Variants in THSD4 observed in about 807,000 individuals in gnomAD.
THSD4 encodes the protein thrombospondin type-1 domain-containing protein 4.
In THSD4, 69 loss-of-function variants were observed where a neutral mutation model predicts 119.0. The ratio of observed to expected loss-of-function variants is 0.58; its 90% confidence interval spans 0.48 to 0.71. The LOEUF is 0.71. Ranked by LOEUF, THSD4 falls within the 30% of genes least tolerant of loss-of-function variation. The pLI is 0.00. For synonymous variants in THSD4, 524 were observed against 540.4 expected (o/e 0.97, Z 0.42); for missense variants, 1,393 against 1,391.1 (o/e 1.00, Z -0.02).
intron 6 of THSD4, chr15:71,348,511 G>A (rs1234732698): frequency 6.6e-6 from 1 of 152,192 alleles, no homozygotes; most frequent in African/African-American, 2.4e-5. Flanking sequence ...GTTTTCAACA[G>A]AGATACCTTG....
chr15:71,451,607 CAG>C (rs1254670747), intron 7 of THSD4, among the ~76,000 whole-genome samples: 1 of 152,152 alleles, frequency 6.6e-6, no homozygotes, highest in Non-Finnish European at 1.5e-5. Flanking sequence ...ACTTGGTAGA[CAG>C]AGGCATGGGG....
intron 6 of THSD4, among the ~76,000 whole-genome samples, chr15:71,338,161 C>T (rs1345322375): frequency 2.0e-5 from 3 of 152,136 alleles, no homozygotes; most frequent in Non-Finnish European, 4.4e-5. Context: ...GAAGTTTGAG[C>T]TTTGAATCCT....
chr15:71,649,691 A>G (rs2051044431), intron 7 of THSD4, among the ~76,000 whole-genome samples: 1 of 152,220 alleles, frequency 6.6e-6, no homozygotes, highest in African/African-American at 2.4e-5. Flanking sequence ...TCCTATGTCC[A>G]GAATGGTGTT....
chr15:71,606,767 C>T (rs1007372068), intron 7 of THSD4, among the ~76,000 whole-genome samples: 8 of 152,226 alleles, frequency 5.3e-5, no homozygotes, highest in South Asian at 4.1e-4. Context: ...TTCAAACTCC[C>T]GACCTCAGGT....
intron 6 of THSD4, among the ~76,000 whole-genome samples, chr15:71,331,111 C>T (rs2140373255): frequency 6.6e-6 from 1 of 152,342 alleles, no homozygotes; most frequent in Admixed American, 6.5e-5. Context: ...TTTTCTGCTG[C>T]AGCCATTTGG....
intron 15 of THSD4, among the ~76,000 whole-genome samples, chr15:71,764,183 C>G (rs1037431573): frequency 6.6e-6 from 1 of 151,826 alleles, no homozygotes; most frequent in African/African-American, 2.4e-5. Context: ...GAGGTTGAGG[C>G]CGCAGTGAGC....
chr15:71,594,366 G>A (rs1567053341), intron 7 of THSD4, among the ~76,000 whole-genome samples: 2 of 151,976 alleles, frequency 1.3e-5, no homozygotes, highest in Admixed American at 1.3e-4. Context: ...TTGCCACCAC[G>A]ACTGGCTAAT....
At chr15:71,515,277 G>A (rs1347129296) in intron 7 of THSD4, among the ~76,000 whole-genome samples, 1 of 152,170 alleles carries the variant, frequency 6.6e-6, no homozygotes, top group Non-Finnish European at 1.5e-5. Context: ...ATGTTGTCTA[G>A]CTCCATCTCC....
chr15:71,358,081 T>A (rs1431929327), intron 6 of THSD4, among the ~76,000 whole-genome samples: 1 of 152,158 alleles, frequency 6.6e-6, no homozygotes, highest in Non-Finnish European at 1.5e-5. Context: ...TTAGCTGGCT[T>A]CTCCTTCTTT....
Position 71,684,565 on chromosome 15 carries a change from A to G in THSD4, c.1357+23831A>G, listed in dbSNP as rs1335965592. 2.0e-5 allele frequency among the ~76,000 whole-genome samples: 3 copies of G among 150,996 alleles called. No homozygotes were observed. In the East Asian group the frequency reaches 5.8e-4, roughly 29 times the overall value. On this transcript the variant is annotated intron_variant, in intron 8 of 17. Coordinates refer to ENST00000261862, the MANE Select transcript of THSD4 (RefSeq NM_024817.3). ...AGTTTTAAATGACATTTTGGCACCT[A>G]CTTACGTTATTTTTTCTTTAAAGTT...
chr15:71,514,694 A>G (rs367751951), intron 7 of THSD4, among the ~76,000 whole-genome samples: 2 of 152,000 alleles, frequency 1.3e-5, no homozygotes, highest in Non-Finnish European at 1.5e-5. Context: ...AAAAAATAAA[A>G]CCTCCTATGG....
intron 6 of THSD4, among the ~76,000 whole-genome samples, chr15:71,350,430 G>GAATCAGGACCCCC (rs1435846365): frequency 3.9e-5 from 6 of 151,966 alleles, no homozygotes; most frequent in Non-Finnish European, 8.8e-5. Flanking sequence ...CCTTTACTGG[G>GAATCAGGACCCCC]AATCAGGACC....
chr15:71,735,778 CTCTG>C (rs2053080170), intron 10 of THSD4, among the ~76,000 whole-genome samples: 1 of 151,278 alleles, frequency 6.6e-6, no homozygotes. Context: ...TCTTCTCTGT[CTCTG>C]TCTCTCCTGC....
intron 14 of THSD4, among the ~76,000 whole-genome samples, chr15:71,749,707 T>TTATTTATTTATTTATG (rs1334402539): frequency 1.4e-5 from 2 of 143,940 alleles, no homozygotes; most frequent in East Asian, 4.2e-4. Flanking sequence ...TTTTATTTAT[T>TTATTTATTTATTTATG]TATTTATTTA....
At chr15:71,239,825 G>T (rs890759548) in intron 4 of THSD4, among the ~76,000 whole-genome samples, 1 of 152,188 alleles carries the variant, frequency 6.6e-6, no homozygotes, top group Non-Finnish European at 1.5e-5. Context: ...TTGGAGAAGA[G>T]GCCATTCAGA....
At chr15:71,605,247 A>G (rs1313533625) in intron 7 of THSD4, among the ~76,000 whole-genome samples, 1 of 152,212 alleles carries the variant, frequency 6.6e-6, no homozygotes, top group Non-Finnish European at 1.5e-5. Flanking sequence ...ATAAGTATAT[A>G]TTTTGTTTGC....
intron 6 of THSD4, among the ~76,000 whole-genome samples, chr15:71,264,170 G>A (rs2044437460): frequency 6.6e-6 from 1 of 152,256 alleles, no homozygotes; most frequent in Admixed American, 6.5e-5. Context: ...GAGGGAGGGA[G>A]GCTTGTGACT....
At chr15:71,321,459 C>G (rs2045267074) in intron 6 of THSD4, among the ~76,000 whole-genome samples, 1 of 152,160 alleles carries the variant, frequency 6.6e-6, no homozygotes, top group African/African-American at 2.4e-5. Context: ...TCGCTTGAAC[C>G]TAGGAGACAG....
At chr15:71,130,860 T>G (rs1487734730) in intron 1 of THSD4, among the ~76,000 whole-genome samples, 1 of 152,184 alleles carries the variant, frequency 6.6e-6, no homozygotes, top group Non-Finnish European at 1.5e-5. Context: ...TTCTCCTGCC[T>G]CAGTCTCCCG....
Sources: allele counts gnomAD v4.1 joint callset (sites outside exome capture counted in the v4.1 genomes callset), GRCh38; gene constraint gnomAD v4.1.1; transcripts MANE v1.5; gene names NCBI Gene and HGNC (gene_info 2026-07-23, HGNC 2026-07-21).